The following SNRPN variants were observed in gnomAD, a reference collection of about 807,000 sequenced individuals.
SNRPN encodes small nuclear ribonucleoprotein-associated protein N.
SNRPN carries 7 observed loss-of-function variants against 25.2 expected under a neutral mutation model. The observed-to-expected ratio is 0.28, with a 90% CI of 0.16 to 0.52. The LOEUF is 0.52. SNRPN is among the 20% of genes least tolerant of loss of function. The pLI, the probability that SNRPN is intolerant of heterozygous loss-of-function variation, is 0.96. For missense variants in SNRPN, 196 were observed against 322.5 expected, an observed-to-expected ratio of 0.61 and a Z score of 3.00; for synonymous variants, 124 against 110.6, an observed-to-expected ratio of 1.12 and a Z score of -0.76.
chr15:24,916,861 C>T (rs906112598), intron 2 of SNRPN, among the ~76,000 whole-genome samples: 23 of 152,216 alleles, frequency 1.5e-4, no homozygotes, highest in African/African-American at 4.6e-4. Context: ...GTGGCACAGA[C>T]CCAAGGAGTG....
At chr15:24,867,737 T>C (rs550088614) in intron 1 of SNRPN, among the ~76,000 whole-genome samples, 307 of 152,256 alleles carry the variant, frequency 2.0e-3, no homozygotes, top group Non-Finnish European at 3.8e-3. Flanking sequence ...TCCAACAGTC[T>C]GTGTCTTTTC....
intron 1 of SNRPN, among the ~76,000 whole-genome samples, chr15:24,861,476 G>T (rs956425534): frequency 2.0e-5 from 3 of 152,230 alleles, no homozygotes; most frequent in Non-Finnish European, 4.4e-5. Context: ...TGCAGGACTG[G>T]AAGTTCTTCT....
At chr15:24,953,193 T>C (rs1158673310), upstream of SNRPN, among the ~76,000 whole-genome samples, 1 of 152,238 alleles carries the variant, frequency 6.6e-6, no homozygotes. Context: ...AGTAACATTG[T>C]GGTCAAGAGT....
At chr15:24,906,422 C>T (rs529078669) in intron 2 of SNRPN, among the ~76,000 whole-genome samples, 8 of 152,202 alleles carry the variant, frequency 5.3e-5, no homozygotes, top group South Asian at 2.1e-4. Flanking sequence ...CATGAGCCAC[C>T]GTACATGGCT....
intron 2 of SNRPN, among the ~76,000 whole-genome samples, chr15:24,839,981 G>A (rs2051547996): frequency 6.6e-6 from 1 of 152,196 alleles, no homozygotes; most frequent in African/African-American, 2.4e-5. Flanking sequence ...GGCAGTTCAG[G>A]TTGCAGAGTT....
chr15:24,839,431 T>C (rs2051487413), intron 2 of SNRPN, among the ~76,000 whole-genome samples: 1 of 152,064 alleles, frequency 6.6e-6, no homozygotes, highest in South Asian at 2.1e-4. Context: ...ATATTTTTTG[T>C]CCTTTCCAAG....
intron 3 of SNRPN, among the ~76,000 whole-genome samples, chr15:24,949,776 C>T (rs1020781775): frequency 4.6e-5 from 7 of 152,108 alleles, no homozygotes; most frequent in Non-Finnish European, 1.0e-4. Context: ...CTTTTTATAG[C>T]AGAATGATAT....
intron 2 of SNRPN, among the ~76,000 whole-genome samples, chr15:24,898,577 A>G (rs1566886650): frequency 4.0e-5 from 6 of 149,968 alleles, no homozygotes; most frequent in Non-Finnish European, 1.5e-5. Context: ...ACAGAGTGAG[A>G]TCTGTCTAAA....
chr15:24,939,699 C>T (rs2061432092), intron 3 of SNRPN, among the ~76,000 whole-genome samples: 1 of 151,146 alleles, frequency 6.6e-6, no homozygotes, highest in Non-Finnish European at 1.5e-5. Flanking sequence ...TCCCAAAGTA[C>T]TGGGATTACA....
chr15:24,906,425 A>G (rs1161697780), intron 2 of SNRPN, among the ~76,000 whole-genome samples: 2 of 152,142 alleles, frequency 1.3e-5, no homozygotes, highest in Non-Finnish European at 2.9e-5. Flanking sequence ...GAGCCACCGT[A>G]CATGGCTGGA....
chr15:24,845,316 T>C (rs1347861377), intron 2 of SNRPN, among the ~76,000 whole-genome samples: 1 of 152,186 alleles, frequency 6.6e-6, no homozygotes, highest in Non-Finnish European at 1.5e-5. Context: ...CTTGAAATAA[T>C]GGCCAGGTGC....
At chr15:24,964,775 T>C (rs1281717582) in intron 2 of SNRPN, among the ~76,000 whole-genome samples, 1 of 152,180 alleles carries the variant, frequency 6.6e-6, no homozygotes, top group Non-Finnish European at 1.5e-5. Flanking sequence ...ACAGTTTTTT[T>C]CCTATGTAAC....
chr15:24,879,568 C>A (rs1487526451), intron 1 of SNRPN, among the ~76,000 whole-genome samples: 1 of 152,102 alleles, frequency 6.6e-6, no homozygotes, highest in Non-Finnish European at 1.5e-5. Flanking sequence ...CTTTTCAAAG[C>A]AGCAATTAGT....
chr15:24,932,899 G>A (rs979870546), intron 3 of SNRPN, among the ~76,000 whole-genome samples: 3 of 152,116 alleles, frequency 2.0e-5, no homozygotes, highest in East Asian at 2.0e-4. Flanking sequence ...CCCACCTGCC[G>A]CAGCCTCCCA....
At chr15:24,854,105 T>C (rs1470926296), upstream of SNRPN, among the ~76,000 whole-genome samples, 1 of 152,230 alleles carries the variant, frequency 6.6e-6, no homozygotes, top group Non-Finnish European at 1.5e-5. Context: ...TTTTCTACTC[T>C]TGGCTATTGG....
chr15:24,978,469 C>G lies in SNRPN; in HGVS notation c.*25C>G, dbSNP rs112904440. On this transcript the variant is annotated 3_prime_UTR_variant, in exon 10 of 10. Transcript: ENST00000390687. ...GCATACTGTTGATCCATCTCAGTCA[C>G]TTTTTCCCCTGCAATGCGTCTTGTG... The G allele has an allele frequency of 1.2e-6, 2 of 1,607,622 alleles. No individual in the cohort carries two copies. The highest frequency in any genetic ancestry group is 2.2e-5 in the South Asian group (2 of 90,930).
intron 1 of SNRPN, among the ~76,000 whole-genome samples, chr15:24,872,807 T>G (rs1240637376): frequency 9.5e-6 from 1 of 105,346 alleles, no homozygotes. Context: ...CCCAGCACTT[T>G]GTGAGGCTGA....
chr15:24,848,833 A>C (rs1186398492), intron 2 of SNRPN: 1 of 152,142 alleles, frequency 6.6e-6, no homozygotes, highest in Non-Finnish European at 1.5e-5. Context: ...TTCATTATAA[A>C]ATACCGTGTT....
chr15:24,877,683 CACACACACACACAA>C (rs944726735), intron 1 of SNRPN, among the ~76,000 whole-genome samples: 1 of 149,376 alleles, frequency 6.7e-6, no homozygotes, highest in African/African-American at 2.4e-5. Flanking sequence ...CACACACACA[CACACACACACACAA>C]ACACACTAGC....
Sources: allele counts gnomAD v4.1 joint callset (sites outside exome capture counted in the v4.1 genomes callset), GRCh38; gene constraint gnomAD v4.1.1; transcripts MANE v1.5; gene names NCBI Gene and HGNC (gene_info 2026-07-23, HGNC 2026-07-21).